SOX5: variants seen among roughly 807,000 people sequenced by gnomAD.
SOX5 encodes transcription factor SOX-5.
In SOX5, 9 loss-of-function variants were observed where a neutral mutation model predicts 92.0. The ratio of observed to expected loss-of-function variants is 0.10; its 90% CI spans 0.06 to 0.17. The LOEUF (loss-of-function observed/expected upper bound fraction) is 0.17, where lower values mean the gene tolerates loss of function less well. Among genes scored for constraint, SOX5 ranks in the 10% least tolerant of loss-of-function variants. The pLI is 1.00. For synonymous variants in SOX5, 344 were observed against 336.3 expected, an observed-to-expected ratio of 1.02 and a Z score of -0.25; for missense variants, 642 against 944.5, an observed-to-expected ratio of 0.68 and a Z score of 4.20.
intron 3 of SOX5, among the ~76,000 whole-genome samples, chr12:23,797,858 C>A (rs974150961): frequency 1.3e-5 from 2 of 151,972 alleles, no homozygotes; most frequent in Admixed American, 1.3e-4. Context: ...CTCCTAACCT[C>A]GCCTCAGGTT....
intron 1 of SOX5, among the ~76,000 whole-genome samples, chr12:24,440,639 TGAA>T (rs1940381485): frequency 9.1e-6 from 1 of 109,860 alleles, no homozygotes; most frequent in Admixed American, 9.2e-5. Flanking sequence ...TGTGTGTGTG[TGAA>T]GAACAGAAGA....
chr12:24,172,346 A>T (rs7311542), intron 4 of SOX5, among the ~76,000 whole-genome samples: 19 of 151,926 alleles, frequency 1.3e-4, no homozygotes, highest in Non-Finnish European at 4.4e-5. Context: ...AGACCAGCCT[A>T]GGCAACATGG....
At chr12:24,198,454 A>C (rs1565637995) in intron 4 of SOX5, among the ~76,000 whole-genome samples, 1 of 152,302 alleles carries the variant, frequency 6.6e-6, no homozygotes, top group South Asian at 2.1e-4. Context: ...GCTTCTATCT[A>C]TAGTTTTAGA....
chr12:23,640,361 C>T (rs2079887390), intron 8 of SOX5, among the ~76,000 whole-genome samples: 1 of 152,194 alleles, frequency 6.6e-6, no homozygotes, highest in Non-Finnish European at 1.5e-5. Flanking sequence ...GCTTGCCCAA[C>T]TCAGCTGGTA....
intron 4 of SOX5, among the ~76,000 whole-genome samples, chr12:24,093,579 C>T (rs1944939423): frequency 6.6e-6 from 1 of 151,144 alleles, no homozygotes; most frequent in Non-Finnish European, 1.5e-5. Flanking sequence ...CCATTCTGTT[C>T]AAAAAAGTTT....
chr12:24,299,922 G>C (rs1481544121), intron 2 of SOX5, among the ~76,000 whole-genome samples: 1 of 151,990 alleles, frequency 6.6e-6, no homozygotes, highest in Admixed American at 6.5e-5. Context: ...AGACTAAAGA[G>C]GCCACAACAA....
chr12:24,273,702 T>C (rs1049952408), intron 3 of SOX5, among the ~76,000 whole-genome samples: 24 of 152,212 alleles, frequency 1.6e-4, no homozygotes, highest in African/African-American at 5.8e-4. Flanking sequence ...GTTCTTACTT[T>C]AATTAATTTC....
chr12:23,555,469 TAA>T (rs1252419468), intron 11 of SOX5, among the ~76,000 whole-genome samples: 1 of 150,210 alleles, frequency 6.7e-6, no homozygotes, highest in Non-Finnish European at 1.5e-5. Context: ...AATTAAACCA[TAA>T]AAAGTTTACT....
At chr12:23,680,019 T>C (rs1027045535) in intron 6 of SOX5, among the ~76,000 whole-genome samples, 1 of 151,008 alleles carries the variant, frequency 6.6e-6, no homozygotes, top group Non-Finnish European at 1.5e-5. Flanking sequence ...GAAAAGAACT[T>C]TGAGAAATGA....
Position 23,780,199 on chromosome 12 carries a change from A to G in SOX5, c.482-24475T>C, listed in dbSNP as rs374201193. Among the ~76,000 whole-genome samples the G allele has an allele frequency of 1.2e-4, 19 of 152,104 alleles. No homozygotes were observed. In the East Asian group the frequency reaches 3.5e-3, roughly 28 times the overall value. On this transcript the variant is annotated intron_variant, in intron 3 of 14. Transcript: ENST00000451604. ...TCTAATAAACTACATTCTTTAATAA[A>G]AAGCTGGTTAATTCTCGTGTCAGCA... is the stretch of plus-strand genomic sequence containing the variant.
chr12:24,010,380 A>T (rs1466643483), intron 4 of SOX5, among the ~76,000 whole-genome samples: 1 of 152,212 alleles, frequency 6.6e-6, no homozygotes, highest in East Asian at 1.9e-4. Flanking sequence ...GAGGAAAGAA[A>T]TTTGAAAAGG....
intron 8 of SOX5, among the ~76,000 whole-genome samples, chr12:23,606,988 G>T (rs546782600): frequency 9.1e-4 from 138 of 152,258 alleles, no homozygotes; most frequent in African/African-American, 3.2e-3. Context: ...TTTATGATGA[G>T]AATTTCATAA....
chr12:23,660,944 T>A (rs2082956247), intron 7 of SOX5, among the ~76,000 whole-genome samples: 1 of 152,192 alleles, frequency 6.6e-6, no homozygotes, highest in South Asian at 2.1e-4. Flanking sequence ...CCTGTGCCCC[T>A]ATGAATTAGC....
In SOX5 at chr12:24,401,779, C is replaced by T. The variant is rs186036633; in HGVS notation, c.-250-33140G>A. The stretch of plus-strand genomic sequence containing the variant: ...TCACTTAAAGTACTTACATAATATC[C>T]TCAGTTTTGCCTCCTAGCCTACAAA... On this transcript the variant is annotated intron_variant, in intron 1 of 4. Coordinates refer to the SOX5 transcript ENST00000446891. 2.0e-5 allele frequency among the ~76,000 whole-genome samples: 3 copies of T among 150,076 alleles called. No individual in the cohort carries two copies. The East Asian group carries it at 5.9e-4, about 29-fold the overall frequency.
In SOX5 at chr12:24,102,204, T is replaced by C. The variant is rs150940647; in HGVS notation, c.-2+111139A>G. On this transcript the variant is annotated intron_variant, in intron 4 of 4. Transcript: ENST00000446891. Reference sequence around the variant, plus strand: ...TGTTATTTATCTCTTGTTAACTACATAGTACAACAAATTGTGTCTTTTAAC... The same window carrying C: ...TGTTATTTATCTCTTGTTAACTACACAGTACAACAAATTGTGTCTTTTAAC... Among the ~76,000 whole-genome samples, 395 of 152,286 alleles carry C rather than the reference T, an allele frequency of 2.6e-3. 1 individual carries two copies. The highest frequency in any genetic ancestry group is 0.024 in the Middle Eastern group (7 of 294).
intron 7 of SOX5, among the ~76,000 whole-genome samples, chr12:23,648,430 TTAC>T (rs887496260): frequency 6.6e-6 from 1 of 152,212 alleles, no homozygotes; most frequent in Non-Finnish European, 1.5e-5. Flanking sequence ...GTTCAAGTTG[TTAC>T]TACTAATACT....
chr12:23,672,403 ATTTTCT>A (rs1389539995), intron 6 of SOX5, among the ~76,000 whole-genome samples: 2 of 152,118 alleles, frequency 1.3e-5, no homozygotes, highest in African/African-American at 4.8e-5. Flanking sequence ...TGCCTGTCAC[ATTTTCT>A]TTTTCTAATT....
At chr12:24,123,789 A>G (rs78149574) in intron 4 of SOX5, among the ~76,000 whole-genome samples, 138 of 152,350 alleles carry the variant, frequency 9.1e-4, no homozygotes, top group African/African-American at 3.2e-3. Context: ...TGTGTACCAA[A>G]GCAAACTGCA....
intron 1 of SOX5, among the ~76,000 whole-genome samples, chr12:24,556,886 G>C (rs1238267744): frequency 6.6e-6 from 1 of 151,914 alleles, no homozygotes; most frequent in Non-Finnish European, 1.5e-5. Flanking sequence ...TTTCTTTTTA[G>C]ACTCAAATAA....
Sources: gnomAD v4.1 joint callset for allele counts (sites outside exome capture counted in the v4.1 genomes callset) on GRCh38, gnomAD v4.1.1 for gene constraint, MANE v1.5 for transcripts, NCBI Gene and HGNC (gene_info 2026-07-23, HGNC 2026-07-21) for gene names.